Variants in UST observed in about 807,000 individuals in gnomAD.
UST encodes the protein uronyl 2-sulfotransferase.
UST carries 21 observed loss-of-function variants against 45.6 expected under a neutral mutation model. The observed-to-expected ratio is 0.46, with a 90% CI of 0.33 to 0.66. UST has a LOEUF of 0.66. UST is among the 30% of genes least tolerant of loss of function. The pLI, the probability that UST is intolerant of heterozygous loss-of-function variation, is 0.02. For synonymous variants in UST, 215 were observed against 200.6 expected (o/e 1.07, Z -0.61); for missense variants, 463 against 512.4 (o/e 0.90, Z 0.93).
chr6:148,954,407 CACG>C (rs1214949180), intron 4 of UST, among the ~76,000 whole-genome samples: 9 of 152,298 alleles, frequency 5.9e-5, no homozygotes, highest in Admixed American at 4.6e-4. Context: ...TGTGCCACAT[CACG>C]ACATTTTGGT....
At chr6:148,992,366 C>T (rs1332763063) in intron 5 of UST, among the ~76,000 whole-genome samples, 1 of 151,992 alleles carries the variant, frequency 6.6e-6, no homozygotes, top group Non-Finnish European at 1.5e-5. Flanking sequence ...ATTAGCCGGG[C>T]GTTGAGGCAG....
At chr6:149,000,466 G>A (rs984479392) in intron 5 of UST, among the ~76,000 whole-genome samples, 1 of 152,154 alleles carries the variant, frequency 6.6e-6, no homozygotes, top group African/African-American at 2.4e-5. Flanking sequence ...AAGAGAGACA[G>A]GGAGAGGAGA....
At chr6:148,859,765 G>T (rs1164079399) in intron 1 of UST, among the ~76,000 whole-genome samples, 1 of 152,160 alleles carries the variant, frequency 6.6e-6, no homozygotes, top group East Asian at 1.9e-4. Context: ...TTTCCCCATT[G>T]CTGGTTTTTG....
chr6:148,778,468 A>C (rs1430343358), intron 1 of UST, among the ~76,000 whole-genome samples: 1 of 152,214 alleles, frequency 6.6e-6, no homozygotes, highest in African/African-American at 2.4e-5. Flanking sequence ...TGGGTGACAG[A>C]AAAAGGCACT....
intron 2 of UST, among the ~76,000 whole-genome samples, chr6:148,896,183 T>C (rs1178541892): frequency 1.3e-5 from 2 of 152,238 alleles, no homozygotes; most frequent in Admixed American, 1.3e-4. Context: ...CTGGATTTTG[T>C]GTGTATACAC....
At chr6:149,070,775 T>A (rs191141230) in intron 7 of UST, among the ~76,000 whole-genome samples, 121 of 150,180 alleles carry the variant, frequency 8.1e-4, no homozygotes, top group African/African-American at 2.8e-3. Flanking sequence ...TTATTATTAT[T>A]ATTATTAATT....
intron 5 of UST, among the ~76,000 whole-genome samples, chr6:148,971,173 C>A (rs1780909887): frequency 6.6e-6 from 1 of 152,156 alleles, no homozygotes; most frequent in South Asian, 2.1e-4. Context: ...GCAGTGGCAC[C>A]AAACCATGGC....
chr6:149,029,397 A>G (rs1041567186), intron 7 of UST, among the ~76,000 whole-genome samples: 3 of 144,584 alleles, frequency 2.1e-5, no homozygotes, highest in Admixed American at 7.0e-5. Context: ...TATGTTATAT[A>G]TTATATATAA....
chr6:148,750,557 A>C (rs925106387), intron 1 of UST, among the ~76,000 whole-genome samples: 2 of 152,220 alleles, frequency 1.3e-5, no homozygotes, highest in East Asian at 3.8e-4. Context: ...GTCTGATTGC[A>C]ATACCCATTG....
intron 1 of UST, among the ~76,000 whole-genome samples, chr6:148,823,740 T>C (rs1777513232): frequency 6.6e-6 from 1 of 152,210 alleles, no homozygotes; most frequent in Admixed American, 6.5e-5. Flanking sequence ...CATTGCTCTC[T>C]GGTGGATTTT....
intron 5 of UST, among the ~76,000 whole-genome samples, chr6:149,011,921 TTAAAG>T (rs61268997): frequency 0.88 from 134,292 of 152,092 alleles, 59,617 homozygotes; most frequent in Middle Eastern, 0.93. Flanking sequence ...AACGAAATAA[TTAAAG>T]TAAAGTTGGC....
At chr6:148,994,566 C>T (rs1781415135) in intron 5 of UST, among the ~76,000 whole-genome samples, 1 of 152,152 alleles carries the variant, frequency 6.6e-6, no homozygotes, top group African/African-American at 2.4e-5. Context: ...CAGTTGGTCA[C>T]TTGAAACTAT....
chr6:148,780,425 C>T (rs1776621972), intron 1 of UST, among the ~76,000 whole-genome samples: 1 of 152,092 alleles, frequency 6.6e-6, no homozygotes, highest in Non-Finnish European at 1.5e-5. Context: ...TTCTGTTTCT[C>T]TCCCTCCTCC....
chr6:148,775,652 G>A (rs1160478093), intron 1 of UST, among the ~76,000 whole-genome samples: 2 of 150,010 alleles, frequency 1.3e-5, no homozygotes, highest in African/African-American at 2.5e-5. Context: ...GGCGGGGAGA[G>A]AGTCTCACTC....
chr6:148,977,765 A>G (rs1047148016), intron 5 of UST, among the ~76,000 whole-genome samples: 2 of 151,248 alleles, frequency 1.3e-5, no homozygotes, highest in Non-Finnish European at 2.9e-5. Flanking sequence ...AAAAAAAAAA[A>G]AAAAAAGAAA....
chr6:148,764,633 C>T lies in UST; in HGVS notation c.247+16956C>T, dbSNP rs188763660. The stretch of plus-strand genomic sequence containing the variant: ...GGTGTCCGGAGGAGACATCACATGT[C>T]GGCAGGTTCCATGATGCCCCCTGAG... On this transcript the variant is annotated intron_variant, in intron 1 of 7. Coordinates refer to ENST00000367463, the MANE Select transcript of UST (RefSeq NM_005715.3). Among the ~76,000 whole-genome samples, 12 of 152,216 alleles carry T rather than the reference C, an allele frequency of 7.9e-5. No homozygotes were observed. The East Asian group carries it at 9.7e-4, about 12-fold the overall frequency.
At chr6:148,770,885 A>G (rs1776413301) in intron 1 of UST, among the ~76,000 whole-genome samples, 1 of 152,290 alleles carries the variant, frequency 6.6e-6, no homozygotes, top group South Asian at 2.1e-4. Flanking sequence ...TATTTCAGCA[A>G]AATACTGAAA....
intron 1 of UST, among the ~76,000 whole-genome samples, chr6:148,840,882 T>C (rs1228245409): frequency 2.0e-5 from 3 of 152,194 alleles, no homozygotes. Flanking sequence ...CTGCGTTCAC[T>C]GCGTCTTCCC....
At chr6:148,924,175 C>T (rs1009078554) in intron 2 of UST, among the ~76,000 whole-genome samples, 13 of 152,218 alleles carry the variant, frequency 8.5e-5, no homozygotes, top group African/African-American at 3.1e-4. Flanking sequence ...ATTTTACCTC[C>T]CACAAGCTAA....
Sources: gnomAD v4.1 joint callset for allele counts (sites outside exome capture counted in the v4.1 genomes callset) on GRCh38, gnomAD v4.1.1 for gene constraint, MANE v1.5 for transcripts, NCBI Gene and HGNC (gene_info 2026-07-23, HGNC 2026-07-21) for gene names.